Variants in PDHX observed in about 807,000 individuals in gnomAD.
PDHX encodes the protein pyruvate dehydrogenase protein X component, mitochondrial.
A neutral mutation model predicts 55.3 loss-of-function variants in PDHX; 33 were observed. The ratio of observed to expected loss-of-function variants is 0.60; its 90% CI spans 0.45 to 0.80. The LOEUF (loss-of-function observed/expected upper bound fraction) is 0.80, where lower values mean the gene tolerates loss of function less well. Ranked by LOEUF, PDHX falls within the 30% of genes least tolerant of loss-of-function variation. PDHX has a pLI of 0.00. For synonymous variants in PDHX, 226 were observed against 219.4 expected (o/e 1.03, Z -0.27); for missense variants, 622 against 619.9 (o/e 1.00, Z -0.04).
At chr11:34,980,077 C>T (rs1253739193) in intron 8 of PDHX, among the ~76,000 whole-genome samples, 1 of 149,462 alleles carries the variant, frequency 6.7e-6, no homozygotes, top group Non-Finnish European at 1.5e-5. Flanking sequence ...TTTAAAAAAT[C>T]AATTTTAAAA....
At chr11:34,978,612 G>A (rs961790926) in intron 8 of PDHX, among the ~76,000 whole-genome samples, 1 of 152,072 alleles carries the variant, frequency 6.6e-6, no homozygotes, top group Non-Finnish European at 1.5e-5. Flanking sequence ...ATTTAGATAC[G>A]GCCTGAGAAA....
intron 6 of PDHX, among the ~76,000 whole-genome samples, chr11:34,967,583 A>T (rs766827017): frequency 6.6e-6 from 1 of 152,192 alleles, no homozygotes; most frequent in Non-Finnish European, 1.5e-5. Context: ...ATGCAGTATA[A>T]CAGCCCCTTT....
At chr11:34,942,991 A>G (rs1003696039) in intron 2 of PDHX, among the ~76,000 whole-genome samples, 1 of 152,214 alleles carries the variant, frequency 6.6e-6, no homozygotes, top group Non-Finnish European at 1.5e-5. Flanking sequence ...GTTAGAAGCA[A>G]AAGAAATGTA....
At chr11:34,916,401 G>C, upstream of PDHX, 1 of 1,522,894 alleles carries the variant, frequency 6.6e-7, no homozygotes, top group South Asian at 1.2e-5. Flanking sequence ...AGGGCAGCCC[G>C]GGGGCGGGGC....
chr11:34,956,318 G>A (rs1290208968), intron 3 of PDHX, among the ~76,000 whole-genome samples: 2 of 152,128 alleles, frequency 1.3e-5, no homozygotes, highest in Non-Finnish European at 2.9e-5. Flanking sequence ...ATTAACGATA[G>A]TGAACATACC....
At chr11:34,955,231 C>T (rs1854878992) in intron 3 of PDHX, among the ~76,000 whole-genome samples, 1 of 152,078 alleles carries the variant, frequency 6.6e-6, no homozygotes, top group Non-Finnish European at 1.5e-5. Flanking sequence ...GGAAAGGGAA[C>T]AGTAACAGAG....
intron 3 of PDHX, among the ~76,000 whole-genome samples, chr11:34,953,362 A>C (rs930960313): frequency 1.3e-5 from 2 of 152,208 alleles, no homozygotes; most frequent in Non-Finnish European, 2.9e-5. Context: ...ATATGGAACC[A>C]AAAAAGAGCC....
At chr11:34,950,844 A>G (rs1256576158) in intron 3 of PDHX, among the ~76,000 whole-genome samples, 2 of 150,992 alleles carry the variant, frequency 1.3e-5, no homozygotes, top group Admixed American at 1.3e-4. Context: ...ATACATGTGC[A>G]TGTGTCTTTA....
chr11:34,956,899 C>G (rs930228179), intron 3 of PDHX, among the ~76,000 whole-genome samples: 2 of 152,138 alleles, frequency 1.3e-5, no homozygotes, highest in African/African-American at 4.8e-5. Flanking sequence ...TCTTTTCAGA[C>G]TAAGTTTACT....
chr11:34,933,623 G>A (rs1379102796), intron 2 of PDHX, among the ~76,000 whole-genome samples: 1 of 152,168 alleles, frequency 6.6e-6, no homozygotes, highest in East Asian at 1.9e-4. Flanking sequence ...GACCAATCCA[G>A]TCGCAGTAAG....
intron 1 of PDHX, 49 bp downstream of exon 1, chr11:34,916,864 C>T (rs1408821461): frequency 4.7e-6 from 7 of 1,504,762 alleles, no homozygotes; most frequent in Non-Finnish European, 6.3e-6. Context: ...GAGTGATGGG[C>T]CTGGGACAGG....
At chr11:34,955,208 G>GGTA (rs1395093095) in intron 3 of PDHX, among the ~76,000 whole-genome samples, 2 of 152,138 alleles carry the variant, frequency 1.3e-5, no homozygotes, top group African/African-American at 4.8e-5. Context: ...CTACCATGGA[G>GGTA]GTAGCTCAGA....
Position 34,994,327 on chromosome 11 carries a change from T to A in PDHX, c.1248-587T>A, listed in dbSNP as rs1033131539. Among the ~76,000 whole-genome samples the A allele has an allele frequency of 2.0e-5, 3 of 152,318 alleles. No individual in the cohort carries two copies. In the South Asian group the frequency reaches 6.2e-4, roughly 32 times the overall value. On this transcript the variant is annotated intron_variant, in intron 10 of 10. Coordinates refer to ENST00000227868, the MANE Select transcript of PDHX (RefSeq NM_003477.3). ...GTATCTAAACATATCTAAGCATTTTTAAAATGTACAGTAAAAATGTAAAAA... is the reference window on the plus strand; with the variant it reads ...GTATCTAAACATATCTAAGCATTTTAAAAATGTACAGTAAAAATGTAAAAA...
chr11:34,993,732 T>G (rs1221324620), intron 10 of PDHX, among the ~76,000 whole-genome samples: 1 of 152,174 alleles, frequency 6.6e-6, no homozygotes, highest in East Asian at 1.9e-4. Flanking sequence ...TGGCTTTTCG[T>G]ATTTCCAAAT....
intron 8 of PDHX, among the ~76,000 whole-genome samples, chr11:34,980,145 A>G (rs972141382): frequency 9.4e-5 from 8 of 84,682 alleles, no homozygotes; most frequent in Non-Finnish European, 1.8e-4. Flanking sequence ...TTACTAGCCT[A>G]GAGTCATTTT....
chr11:34,965,099 G>A (rs756619153), intron 5 of PDHX, among the ~76,000 whole-genome samples: 7 of 152,102 alleles, frequency 4.6e-5, no homozygotes, highest in Non-Finnish European at 1.0e-4. Flanking sequence ...AGTTCAATAG[G>A]TTAGAAGTCC....
chr11:34,949,960 A>C (rs969098289), intron 3 of PDHX, among the ~76,000 whole-genome samples: 2 of 152,204 alleles, frequency 1.3e-5, no homozygotes, highest in African/African-American at 4.8e-5. Context: ...TTTTTTTAAA[A>C]AAATGGTTTT....
At chr11:34,929,725 G>A (rs1232447837) in intron 1 of PDHX, among the ~76,000 whole-genome samples, 1 of 152,212 alleles carries the variant, frequency 6.6e-6, no homozygotes, top group African/African-American at 2.4e-5. Context: ...TTCGCATCCT[G>A]TAATCAGTCT....
chr11:34,943,368 T>G (rs918658120), intron 2 of PDHX, among the ~76,000 whole-genome samples: 2 of 152,146 alleles, frequency 1.3e-5, no homozygotes, highest in African/African-American at 4.8e-5. Flanking sequence ...TCTTAAAGTG[T>G]GGTTGGAATT....
Sources: allele counts gnomAD v4.1 joint callset (sites outside exome capture counted in the v4.1 genomes callset), GRCh38; gene constraint gnomAD v4.1.1; transcripts MANE v1.5; gene names NCBI Gene and HGNC (gene_info 2026-07-23, HGNC 2026-07-21).